The following RFK variants were observed in gnomAD, a reference collection of about 807,000 sequenced individuals.
RFK encodes 0610038L10Rik.
RFK carries 4 observed loss-of-function variants against 17.6 expected under a neutral mutation model. The observed-to-expected ratio is 0.23, with a 90% CI of 0.11 to 0.52. The LOEUF (loss-of-function observed/expected upper bound fraction) is 0.52. Ranked by LOEUF, RFK falls within the 20% of genes least tolerant of loss-of-function variation. The pLI is 0.96. For missense variants in RFK, 189 were observed against 187.7 expected (o/e 1.01, Z -0.04); for synonymous variants, 59 against 63.8 (o/e 0.92, Z 0.36).
chr9:76,392,521 G>A lies in RFK; in HGVS notation c.131C>T (p.Thr44Ile), dbSNP rs772792336. 3.1e-6 allele frequency: 5 copies of A among 1,614,024 alleles called. No individual in the cohort carries two copies. Among genetic ancestry groups the A allele is most frequent in the South Asian group, 1.1e-5 (1 of 91,094 alleles). ...ACTGGCCCAACCATAGTAAATACCA[G>A]TGGATATATCAGCTGGAAGATTATC... ...VVDNLPADIS[T>I]GIYYGWASVG... Residue 44 changes from threonine to isoleucine, a missense_variant, in exon 2 of 4, where the codon ACT becomes ATT. Physicochemically the swap from Thr to Ile is moderately conservative, Grantham distance 89. Around this residue, in one of 3 missense-constraint regions of RFK, gnomAD observed 90 missense variants for 75.4 expected, o/e 1.19. Transcript: ENST00000376736.
chr9:76,393,526 A>T (rs1036919362), intron 1 of RFK, among the ~76,000 whole-genome samples: 1 of 152,132 alleles, frequency 6.6e-6, no homozygotes, highest in African/African-American at 2.4e-5. Flanking sequence ...TATTTTTCAA[A>T]TACACAAGCT....
chr9:76,388,533 A>G, intron 3 of RFK, 21 bp downstream of exon 3: 1 of 1,432,006 alleles, frequency 7.0e-7, no homozygotes, highest in Non-Finnish European at 9.8e-7. Flanking sequence ...AGTATTTAAG[A>G]AGATCAAAAT....
In RFK at chr9:76,390,709, G is replaced by GAAAAAA. The variant is rs377310464; in HGVS notation, c.234+1703_234+1708dup. Among the ~76,000 whole-genome samples the GAAAAAA allele has an allele frequency of 2.6e-5, 3 of 114,812 alleles. No homozygotes were observed. In the East Asian group the frequency reaches 7.5e-4, roughly 29 times the overall value. The allele number at this position is 114,812 out of a possible 152,430, so 75.3% of individuals were successfully genotyped here. On this transcript the variant is annotated intron_variant, in intron 2 of 3. Transcript: ENST00000376736. The stretch of plus-strand genomic sequence containing the variant: ...ACTCTGTTCTTCAACACACCATTGA[G>GAAAAAA]AAAAAAAAAAAAAAAACCACACACA...
chr9:76,394,187 G>A lies in RFK; in HGVS notation c.-16C>T. 1 of 1,583,432 alleles carries A rather than the reference G, an allele frequency of 6.3e-7. No individual in the cohort carries two copies. The highest frequency in any genetic ancestry group is 8.6e-7 in the Non-Finnish European group (1 of 1,166,344). ...GGTGCCTCATAATGCAGTCCGCTCG[G>A]GGAATGGGCTGCGGCCCGGTCTGCG... On this transcript the variant is annotated 5_prime_UTR_variant, in exon 1 of 4. Transcript: ENST00000376736.
chr9:76,392,854 T>C (rs1822835257), intron 1 of RFK, among the ~76,000 whole-genome samples: 1 of 152,188 alleles, frequency 6.6e-6, no homozygotes, highest in Non-Finnish European at 1.5e-5. Context: ...TAAGCTATGA[T>C]CGCACTACCA....
intron 1 of RFK, 192 bp downstream of exon 1, chr9:76,393,898 C>T (rs1822853792): frequency 3.5e-6 from 2 of 573,074 alleles, no homozygotes; most frequent in Non-Finnish European, 6.0e-6. Context: ...AGCTCGGAGC[C>T]AGAAGCAGGG....
intron 3 of RFK, chr9:76,387,978 A>G (rs1822761560): frequency 3.7e-6 from 1 of 266,796 alleles, no homozygotes; most frequent in Non-Finnish European, 7.4e-6. Flanking sequence ...CCTGGGTAAC[A>G]AAGAGCAAAA....
rs887031163 is a variant in RFK at position 76,387,089 on chromosome 9, T to G, written c.*310A>C. ...TGCTGGCATTTTACCATGAAAATTT[T>G]AGTTTTCATCTCAAACTAGTGACTT... On this transcript the variant is annotated 3_prime_UTR_variant, in exon 4 of 4. Transcript: ENST00000376736. 4.9e-6 allele frequency: 1 copy of G among 202,802 alleles called. No homozygotes were observed. The highest frequency in any genetic ancestry group is 1.0e-5 in the Non-Finnish European group (1 of 98,906). The allele number at this position is 202,802 out of a possible 1,614,324, so 12.6% of individuals were successfully genotyped here.
chr9:76,388,346 C>A, intron 3 of RFK: 2 of 639,658 alleles, frequency 3.1e-6, no homozygotes, highest in Non-Finnish European at 5.7e-6. Context: ...TACTTAATCT[C>A]TCTGTGCCAT....
intron 2 of RFK, among the ~76,000 whole-genome samples, chr9:76,392,070 T>C (rs768561638): frequency 2.1e-4 from 32 of 151,892 alleles, no homozygotes; most frequent in Non-Finnish European, 3.2e-4. Context: ...ACAGTATCTA[T>C]AGAAATACAC....
intron 3 of RFK, chr9:76,387,770 C>T (rs1822758844): frequency 2.9e-6 from 1 of 341,562 alleles, no homozygotes; most frequent in East Asian, 5.6e-5. Flanking sequence ...GAAGCTGAGG[C>T]GGGCAGATCA....
At position 76,387,369 on chromosome 9, in the gene RFK, C is replaced by T. The variant is rs1054139473; in HGVS notation, c.*30G>A. ...TAATAAACACAGAAACACTAGAAAA[C>T]AGTGAATGAATAAATAATACAATTT... On this transcript the variant is annotated 3_prime_UTR_variant, in exon 4 of 4. Transcript: ENST00000376736. 1 of 1,586,302 alleles carries T rather than the reference C, an allele frequency of 6.3e-7. No individual in the cohort carries two copies. Among genetic ancestry groups the T allele is most frequent in the Non-Finnish European group, 8.6e-7 (1 of 1,164,032 alleles).
At chr9:76,389,997 G>A (rs1434305710) in intron 2 of RFK, among the ~76,000 whole-genome samples, 3 of 151,878 alleles carry the variant, frequency 2.0e-5, no homozygotes, top group Admixed American at 2.0e-4. Flanking sequence ...CAAAACTAGA[G>A]GGCTTATACA....
Position 76,386,756 on chromosome 9 carries a change from C to T in RFK, c.*643G>A, listed in dbSNP as rs573716000. On this transcript the variant is annotated 3_prime_UTR_variant, in exon 4 of 4. Transcript: ENST00000376736. ...AGAAAATGACTAAAACAAAACTTTA[C>T]AAACATCTTCATGTTTGTAATGTAT... The T allele has an allele frequency of 6.6e-6, 1 of 152,280 alleles. No homozygotes were observed. The highest frequency in any genetic ancestry group is 2.4e-5 in the African/African-American group (1 of 41,554). The allele number at this position is 152,280 out of a possible 1,614,324, so 9.4% of individuals were successfully genotyped here. A position where few individuals can be genotyped will look rare whatever the true frequency, so the allele number is the denominator to read the frequency against.
intron 1 of RFK, 68 bp from the exon 2 acceptor site, chr9:76,392,637 T>C (rs962692027): frequency 3.4e-6 from 5 of 1,485,632 alleles, no homozygotes; most frequent in Admixed American, 1.8e-5. Context: ...CCGAGTGCAG[T>C]GGCTCATGTC....
In RFK at chr9:76,387,297, A is replaced by G; in HGVS notation, c.*102T>C. 1 of 1,050,256 alleles carries G rather than the reference A, an allele frequency of 9.5e-7. No individual in the cohort carries two copies. The highest frequency in any genetic ancestry group is 2.1e-5 in the Admixed American group (1 of 47,708). 65.1% of individuals were successfully genotyped at this position (1,050,256 alleles called of 1,614,324 possible). On this transcript the variant is annotated 3_prime_UTR_variant, in exon 4 of 4. Coordinates refer to ENST00000376736, the MANE Select transcript of RFK (RefSeq NM_018339.6). ...ACGGTTTAAACTAATTCACAACTGTAGTAAAGTGTTTGATTTTCAGTATAT... is the reference window on the plus strand; with the variant it reads ...ACGGTTTAAACTAATTCACAACTGTGGTAAAGTGTTTGATTTTCAGTATAT...
chr9:76,393,076 G>GT (rs919625037), intron 1 of RFK, among the ~76,000 whole-genome samples: 33 of 152,028 alleles, frequency 2.2e-4, no homozygotes, highest in Admixed American at 9.8e-4. Flanking sequence ...AAAGTACCAG[G>GT]TAAGTATATA....
chr9:76,387,400 C>T lies in RFK; in HGVS notation c.467G>A (p.Ter156=), dbSNP rs751234028. ...VSKSKIMNGH[*] ...ATGAATAAATAATACAATTTTTCATCAGTGGCCATTCATTATTTTGCTTTT... is the reference window on the plus strand; with the variant it reads ...ATGAATAAATAATACAATTTTTCATTAGTGGCCATTCATTATTTTGCTTTT... Residue 156 remains the stop codon, a stop_retained_variant, in exon 4 of 4, where the codon TGA becomes TAA. Transcript: ENST00000376736. The T allele has an allele frequency of 1.4e-5, 23 of 1,603,142 alleles. No homozygotes were observed. In the Admixed American group the frequency reaches 3.7e-4, roughly 26 times the overall value.
intron 3 of RFK, chr9:76,388,006 A>G (rs1822761966): frequency 3.6e-6 from 1 of 279,850 alleles, no homozygotes; most frequent in Admixed American, 5.1e-5. Context: ...TCAAACAAAC[A>G]AACAAACAAA....
Sources: gnomAD v4.1 joint callset for allele counts (sites outside exome capture counted in the v4.1 genomes callset) on GRCh38, gnomAD v4.1.1 for gene constraint, gnomAD v4.1.1 regional missense constraint, MANE v1.5 for transcripts, NCBI Gene and HGNC (gene_info 2026-07-23, HGNC 2026-07-21) for gene names.